Variants in DOCK1 observed in about 807,000 individuals in gnomAD.
DOCK1 encodes dedicator of cytokinesis 1, also known as dedicator of cytokinesis protein 1.
A neutral mutation model predicts 262.7 loss-of-function variants in DOCK1; 138 were observed. The ratio of observed to expected loss-of-function variants is 0.53; its 90% CI spans 0.46 to 0.61. The LOEUF is 0.61. DOCK1 is among the 20% of genes least tolerant of loss of function. The pLI, the probability that DOCK1 is intolerant of heterozygous loss-of-function variation, is 0.00. For missense variants in DOCK1, 1,908 were observed against 2,370.7 expected, an observed-to-expected ratio of 0.80 and a Z score of 4.05; for synonymous variants, 866 against 867.4, an observed-to-expected ratio of 1.00 and a Z score of 0.03.
At chr10:127,118,122 T>A (rs1250724789) in intron 25 of DOCK1, among the ~76,000 whole-genome samples, 1 of 152,160 alleles carries the variant, frequency 6.6e-6, no homozygotes, top group African/African-American at 2.4e-5. Flanking sequence ...GTTTAAAAAA[T>A]ACCCACCATT....
intron 21 of DOCK1, among the ~76,000 whole-genome samples, chr10:127,046,175 G>T (rs1265120145): frequency 6.6e-6 from 1 of 152,102 alleles, no homozygotes; most frequent in Non-Finnish European, 1.5e-5. Flanking sequence ...TGTAATAAGA[G>T]GTGCGTGGTC....
At chr10:126,968,166 G>A (rs1264439011) in intron 1 of DOCK1, among the ~76,000 whole-genome samples, 1 of 152,108 alleles carries the variant, frequency 6.6e-6, no homozygotes, top group Non-Finnish European at 1.5e-5. Context: ...CAGTGCCCCT[G>A]TGGCCGTGAA....
chr10:127,106,870 A>G lies in DOCK1; in HGVS notation c.2516+569A>G, dbSNP rs1401336226. Among the ~76,000 whole-genome samples the G allele has an allele frequency of 2.0e-5, 3 of 152,290 alleles. No homozygotes were observed. In the East Asian group the frequency reaches 5.8e-4, roughly 29 times the overall value. On this transcript the variant is annotated intron_variant, in intron 24 of 51. Transcript: ENST00000623213. ...TTCTCTCCCTAACTTGCCGCCTCTCAGTGGCCAGGTGTGCTGTTTGTTTCC... is the reference window on the plus strand; with the variant it reads ...TTCTCTCCCTAACTTGCCGCCTCTCGGTGGCCAGGTGTGCTGTTTGTTTCC...
At chr10:126,947,949 GTGGTGGT>G (rs2035686185) in intron 1 of DOCK1, among the ~76,000 whole-genome samples, 7 of 148,210 alleles carry the variant, frequency 4.7e-5, no homozygotes, top group Non-Finnish European at 5.9e-5. Context: ...GGTGGTGGTG[GTGGTGGT>G]TGGTAGTATT....
At chr10:127,119,477 T>A (rs565600058) in intron 25 of DOCK1, among the ~76,000 whole-genome samples, 2 of 152,234 alleles carry the variant, frequency 1.3e-5, no homozygotes, top group African/African-American at 2.4e-5. Flanking sequence ...TTCCTTCCAG[T>A]GTCGGCACCG....
intron 12 of DOCK1, among the ~76,000 whole-genome samples, chr10:127,013,215 C>A (rs181434244): frequency 6.6e-6 from 1 of 152,156 alleles, no homozygotes; most frequent in Non-Finnish European, 1.5e-5. Context: ...TGAACTACCC[C>A]CCTTTCTGGC....
At chr10:127,059,200 A>T (rs1170181898) in intron 22 of DOCK1, among the ~76,000 whole-genome samples, 1 of 152,122 alleles carries the variant, frequency 6.6e-6, no homozygotes, top group Admixed American at 6.5e-5. Context: ...CTTTGAATTT[A>T]AATGGTATTA....
intron 23 of DOCK1, among the ~76,000 whole-genome samples, chr10:127,079,224 C>T (rs1309750864): frequency 2.0e-5 from 3 of 152,188 alleles, no homozygotes; most frequent in Non-Finnish European, 4.4e-5. Flanking sequence ...TTCTTCCATA[C>T]TCCCGTCTGG....
chr10:127,242,991 G>T (rs1340617852), intron 27 of DOCK1, among the ~76,000 whole-genome samples: 2 of 152,156 alleles, frequency 1.3e-5, no homozygotes, highest in Non-Finnish European at 2.9e-5. Context: ...TTGGAATTTA[G>T]AGAACTTAGA....
chr10:126,987,521 G>C lies in DOCK1; in HGVS notation c.228G>C (p.Gly76=). The change falls in exon 5 of 52, where the codon GGG becomes GGC. Residue 76 remains glycine (G), a splice_region_variant and synonymous_variant. Transcript: ENST00000623213. ...HLKEAIVEGK[G]QHETVIPGDL... The stretch of plus-strand genomic sequence containing the variant: ...CTGCTCTTTCCTTCTTTCCTCCCAG[G>C]CAACATGAAACAGTCATCCCGGGTG... 6.3e-7 allele frequency: 1 copy of C among 1,575,034 alleles called. No individual in the cohort carries two copies. The highest frequency in any genetic ancestry group is 8.6e-7 in the Non-Finnish European group (1 of 1,160,014).
chr10:127,367,333 CT>C (rs2064977679), intron 33 of DOCK1, among the ~76,000 whole-genome samples: 1 of 152,128 alleles, frequency 6.6e-6, no homozygotes, highest in African/African-American at 2.4e-5. Flanking sequence ...TCGGAATAGG[CT>C]CAGCCTTGCC....
At chr10:127,267,465 G>C (rs1366837812) in intron 29 of DOCK1, among the ~76,000 whole-genome samples, 3 of 152,108 alleles carry the variant, frequency 2.0e-5, no homozygotes, top group African/African-American at 7.2e-5. Context: ...TATTCAGATT[G>C]CCTGTTTTAA....
chr10:127,044,155 G>A (rs1287821828), intron 21 of DOCK1, among the ~76,000 whole-genome samples: 1 of 152,106 alleles, frequency 6.6e-6, no homozygotes, highest in Non-Finnish European at 1.5e-5. Context: ...AGTAAATTTA[G>A]TTAAAACTCC....
At chr10:127,347,583 G>A (rs911445584) in intron 31 of DOCK1, among the ~76,000 whole-genome samples, 4 of 152,046 alleles carry the variant, frequency 2.6e-5, no homozygotes, top group African/African-American at 9.7e-5. Flanking sequence ...AGCTTGGGGC[G>A]GGGTGTGGGG....
chr10:127,233,886 C>T (rs1452039624), intron 27 of DOCK1, among the ~76,000 whole-genome samples: 5 of 152,296 alleles, frequency 3.3e-5, no homozygotes, highest in South Asian at 4.1e-4. Flanking sequence ...GATGTGATTT[C>T]GGCTGCTCCA....
At chr10:126,920,464 G>C (rs1050152798) in intron 1 of DOCK1, among the ~76,000 whole-genome samples, 1 of 152,168 alleles carries the variant, frequency 6.6e-6, no homozygotes, top group Non-Finnish European at 1.5e-5. Flanking sequence ...GCTCCCCAGA[G>C]CTTTCGGGTC....
In DOCK1 at chr10:127,073,327, A is replaced by G. The variant is rs561424585; in HGVS notation, c.2445+11551A>G. 1.1e-4 allele frequency among the ~76,000 whole-genome samples: 16 copies of G among 152,346 alleles called. 1 individual carries two copies. Among genetic ancestry groups the G allele is most frequent in the African/African-American group, 3.8e-4 (16 of 41,576 alleles). On this transcript the variant is annotated intron_variant, in intron 23 of 51. Coordinates refer to ENST00000623213, the MANE Select transcript of DOCK1 (RefSeq NM_001290223.2). The stretch of plus-strand genomic sequence containing the variant: ...GATTCCGAAGTTCATGTGGAAAGGC[A>G]AAAGACCCAGAATAATCAACACAAT...
At chr10:126,967,520 T>A (rs1050712049) in intron 1 of DOCK1, among the ~76,000 whole-genome samples, 2 of 143,088 alleles carry the variant, frequency 1.4e-5, no homozygotes, top group Non-Finnish European at 3.0e-5. Context: ...AATTTCCTAT[T>A]GCTGCTGTGA....
At chr10:127,408,206 A>G (rs3740548) in intron 40 of DOCK1, among the ~76,000 whole-genome samples, 98,550 of 152,038 alleles carry the variant, frequency 0.65, 33,856 homozygotes, top group African/African-American at 0.89. Flanking sequence ...CCCGCCCCGG[A>G]CTGCCTAGTC....
Sources: allele counts gnomAD v4.1 joint callset (sites outside exome capture counted in the v4.1 genomes callset), GRCh38; gene constraint gnomAD v4.1.1; transcripts MANE v1.5; gene names NCBI Gene and HGNC (gene_info 2026-07-23, HGNC 2026-07-21).